The following SGIP1 variants were observed in gnomAD, a reference collection of about 807,000 sequenced individuals.
SGIP1 encodes the protein SH3GL interacting endocytic adaptor 1, also known as SH3-containing GRB2-like protein 3-interacting protein 1.
SGIP1 carries 38 observed loss-of-function variants against 107.5 expected under a neutral mutation model. The observed-to-expected ratio is 0.35, with a 90% CI of 0.27 to 0.46. The LOEUF is 0.46. SGIP1 is among the 20% of genes least tolerant of loss of function. The pLI is 1.00. For missense variants in SGIP1, 929 were observed against 1,019.5 expected, an observed-to-expected ratio of 0.91 and a Z score of 1.21; for synonymous variants, 365 against 366.1, an observed-to-expected ratio of 1.00 and a Z score of 0.03.
chr1:66,701,559 T>A (rs2091912655), intron 18 of SGIP1, among the ~76,000 whole-genome samples: 2 of 152,194 alleles, frequency 1.3e-5, no homozygotes, highest in South Asian at 4.1e-4. Flanking sequence ...CACAGAGAGT[T>A]TTTTTTAATA....
intron 8 of SGIP1, among the ~76,000 whole-genome samples, chr1:66,661,214 T>C (rs997173757): frequency 6.6e-6 from 1 of 152,214 alleles, no homozygotes; most frequent in Admixed American, 6.5e-5. Context: ...GGTTGCCTGG[T>C]TTGTTGGGAA....
chr1:66,633,834 T>C (rs2075277664), intron 3 of SGIP1, among the ~76,000 whole-genome samples: 1 of 152,050 alleles, frequency 6.6e-6, no homozygotes, highest in East Asian at 1.9e-4. Context: ...ATTAGGCTCA[T>C]TGGGCTGGAG....
intron 17 of SGIP1, 106 bp downstream of exon 17, chr1:66,690,422 G>C (rs1471246736): frequency 2.0e-6 from 3 of 1,501,356 alleles, no homozygotes; most frequent in Non-Finnish European, 2.7e-6. Context: ...TTGTTTTGCT[G>C]TGTGTTTTGC....
At chr1:66,540,399 T>C (rs1383339345) in intron 1 of SGIP1, among the ~76,000 whole-genome samples, 1 of 152,182 alleles carries the variant, frequency 6.6e-6, no homozygotes, top group Non-Finnish European at 1.5e-5. Flanking sequence ...TTTTTTCTTT[T>C]CTCTCTTCCT....
intron 1 of SGIP1, among the ~76,000 whole-genome samples, chr1:66,596,898 C>A (rs2064824767): frequency 6.6e-6 from 1 of 152,020 alleles, no homozygotes; most frequent in Admixed American, 6.5e-5. Context: ...ATTATTCCTT[C>A]AAAATAGGAA....
chr1:66,684,913 A>G (rs555356970), intron 15 of SGIP1, among the ~76,000 whole-genome samples: 9 of 152,342 alleles, frequency 5.9e-5, no homozygotes, highest in African/African-American at 2.2e-4. Context: ...AAAAAGCTTG[A>G]CTTTACTGGT....
chr1:66,679,860 C>A lies in SGIP1; in HGVS notation c.814+108C>A, dbSNP rs1253647747. On this transcript the variant is annotated intron_variant, in intron 14 of 24. Coordinates refer to ENST00000371037, the MANE Select transcript of SGIP1 (RefSeq NM_032291.4). The stretch of plus-strand genomic sequence containing the variant: ...AACTGTAGGCTACACAAAAACATCA[C>A]AATGTTGGCATTCAGTTTTGCTTTC... 4.0e-6 allele frequency: 4 copies of A among 988,594 alleles called. No individual in the cohort carries two copies. In the African/African-American group the frequency reaches 6.9e-5, roughly 17 times the overall value. 61.2% of individuals were successfully genotyped at this position (988,594 alleles called of 1,614,324 possible).
At chr1:66,694,753 A>G in intron 17 of SGIP1, 1 of 383,508 alleles carries the variant, frequency 2.6e-6, no homozygotes, top group East Asian at 3.9e-5. Flanking sequence ...GTGAGATGCT[A>G]TTGCTTTGTG....
At chr1:66,724,650 C>A (rs1436321376) in intron 19 of SGIP1, among the ~76,000 whole-genome samples, 2 of 152,076 alleles carry the variant, frequency 1.3e-5, no homozygotes, top group African/African-American at 4.8e-5. Flanking sequence ...AAATTACCAC[C>A]CCACTGGAAA....
intron 1 of SGIP1, among the ~76,000 whole-genome samples, chr1:66,580,683 TTTATC>T (rs1173414931): frequency 6.6e-6 from 1 of 152,130 alleles, no homozygotes; most frequent in Non-Finnish European, 1.5e-5. Flanking sequence ...ATATATTTGT[TTTATC>T]TTAATTATAC....
intron 1 of SGIP1, among the ~76,000 whole-genome samples, chr1:66,543,767 C>T (rs533496268): frequency 1.1e-3 from 161 of 152,266 alleles, no homozygotes; most frequent in African/African-American, 3.6e-3. Context: ...AGTTCTGGAA[C>T]GGTTGGCCTC....
At chr1:66,629,534 GAT>G (rs1018909246) in intron 2 of SGIP1, among the ~76,000 whole-genome samples, 2 of 151,654 alleles carry the variant, frequency 1.3e-5, no homozygotes, top group Non-Finnish European at 2.9e-5. Flanking sequence ...CAAAAGAAAA[GAT>G]ATCAATGGGT....
chr1:66,736,073 T>A (rs2094220067), intron 21 of SGIP1, among the ~76,000 whole-genome samples: 1 of 148,840 alleles, frequency 6.7e-6, no homozygotes, highest in Non-Finnish European at 1.5e-5. Flanking sequence ...TGTGTATACA[T>A]ATTTAAATAA....
chr1:66,592,400 G>A (rs978212814), intron 1 of SGIP1, among the ~76,000 whole-genome samples: 1 of 152,194 alleles, frequency 6.6e-6, no homozygotes, highest in Non-Finnish European at 1.5e-5. Context: ...CACAGCACAT[G>A]TCTCTGAGGG....
chr1:66,726,921 T>C (rs1205087128), intron 19 of SGIP1, among the ~76,000 whole-genome samples: 1 of 152,044 alleles, frequency 6.6e-6, no homozygotes, highest in Admixed American at 6.6e-5. Context: ...CAGTGAGCTA[T>C]GCTCACACGA....
intron 7 of SGIP1, among the ~76,000 whole-genome samples, chr1:66,659,958 GAAAGAAAGA>G (rs2080635019): frequency 4.3e-5 from 1 of 23,086 alleles, no homozygotes; most frequent in Non-Finnish European, 7.5e-5. Flanking sequence ...GAAAAAGAAA[GAAAGAAAGA>G]AAGAAAGAAA....
chr1:66,665,084 A>G (rs2082257529), intron 8 of SGIP1, among the ~76,000 whole-genome samples: 1 of 152,030 alleles, frequency 6.6e-6, no homozygotes, highest in Admixed American at 6.6e-5. Context: ...TTAACTCATC[A>G]TTTACATTAA....
At chr1:66,665,784 T>C (rs891256072) in intron 8 of SGIP1, 1 of 152,270 alleles carries the variant, frequency 6.6e-6, no homozygotes, top group African/African-American at 2.4e-5. Flanking sequence ...GAGAAGTGTC[T>C]GTTCATATCC....
At chr1:66,537,899 C>T (rs2054009610) in intron 1 of SGIP1, among the ~76,000 whole-genome samples, 1 of 151,982 alleles carries the variant, frequency 6.6e-6, no homozygotes, top group Non-Finnish European at 1.5e-5. Context: ...ATGTTTTTGA[C>T]CCTCTAGGAA....
Sources: gnomAD v4.1 joint callset for allele counts (sites outside exome capture counted in the v4.1 genomes callset) on GRCh38, gnomAD v4.1.1 for gene constraint, MANE v1.5 for transcripts, NCBI Gene and HGNC (gene_info 2026-07-23, HGNC 2026-07-21) for gene names.